Variants in PCDH15 observed in about 807,000 individuals in gnomAD.
The protein encoded by PCDH15 is protocadherin-15.
PCDH15 carries 129 observed loss-of-function variants against 178.5 expected under a neutral mutation model. The ratio of observed to expected loss-of-function variants is 0.72; its 90% CI spans 0.63 to 0.84. The LOEUF is 0.84. Ranked by LOEUF, PCDH15 falls within the 40% of genes least tolerant of loss-of-function variation. PCDH15 has a pLI of 0.00. For synonymous variants in PCDH15, 800 were observed against 732.0 expected (o/e 1.09, Z -1.50); for missense variants, 2,230 against 2,099.9 (o/e 1.06, Z -1.21).
chr10:53,919,047 GT>G (rs1392465784), intron 25 of PCDH15, among the ~76,000 whole-genome samples: 2 of 152,082 alleles, frequency 1.3e-5, no homozygotes, highest in African/African-American at 2.4e-5. Context: ...TGTTGCATCA[GT>G]CTGACACTGA....
chr10:55,334,495 C>T (rs1054838948), intron 2 of PCDH15, among the ~76,000 whole-genome samples: 1 of 149,816 alleles, frequency 6.7e-6, no homozygotes, highest in South Asian at 2.1e-4. Flanking sequence ...TTAGTAAAGA[C>T]ATGGCTTCTC....
intron 3 of PCDH15, among the ~76,000 whole-genome samples, chr10:54,860,776 A>C (rs546685072): frequency 6.6e-6 from 1 of 152,270 alleles, no homozygotes; most frequent in Non-Finnish European, 1.5e-5. Flanking sequence ...AACTCTACTG[A>C]AAATTTGAAG....
At chr10:55,503,843 G>A (rs183668915) in intron 2 of PCDH15, among the ~76,000 whole-genome samples, 16 of 151,378 alleles carry the variant, frequency 1.1e-4, no homozygotes, top group African/African-American at 3.9e-4. Context: ...AGATTCTCTG[G>A]CAACTGTTTA....
rs1947312547 is a variant in PCDH15, at chr10:54,757,527, C to T, written c.-29+43398G>A. Among the ~76,000 whole-genome samples the T allele has an allele frequency of 1.2e-4, 4 of 32,448 alleles. 1 individual carries two copies. The highest frequency in any genetic ancestry group is 9.0e-4 in the Admixed American group (4 of 4,460). 21.3% of individuals were successfully genotyped at this position (32,448 alleles called of 152,430 possible). A position where few individuals can be genotyped will look rare whatever the true frequency, so the allele number is the denominator to read the frequency against. On this transcript the variant is annotated intron_variant, in intron 1 of 37. Coordinates refer to ENST00000644397, the MANE Select transcript of PCDH15 (RefSeq NM_001384140.1). Reference sequence around the variant, plus strand: ...CGATCTCCTGACCTCGTGATCCGCCCGTCTCGGCCTCCCAAAGTGCTGGGA... The same window carrying T: ...CGATCTCCTGACCTCGTGATCCGCCTGTCTCGGCCTCCCAAAGTGCTGGGA...
chr10:54,882,349 T>C, intron 3 of PCDH15, among the ~76,000 whole-genome samples: 1 of 152,102 alleles, frequency 6.6e-6, no homozygotes, highest in African/African-American at 2.4e-5. Flanking sequence ...TTTTAAAGGA[T>C]TTTCCCCCAT....
At chr10:55,307,229 G>A (rs1285694901) in intron 1 of PCDH15, among the ~76,000 whole-genome samples, 5 of 151,862 alleles carry the variant, frequency 3.3e-5, no homozygotes, top group Admixed American at 2.0e-4. Context: ...TCGGACTGGC[G>A]TGGTAGCTCA....
intron 3 of PCDH15, among the ~76,000 whole-genome samples, chr10:54,831,210 CA>C (rs1953221529): frequency 6.6e-6 from 1 of 151,798 alleles, no homozygotes; most frequent in African/African-American, 2.4e-5. Flanking sequence ...CCTGATCTAA[CA>C]AAAAATTAGG....
intron 1 of PCDH15, among the ~76,000 whole-genome samples, chr10:55,300,605 T>G (rs1843248003): frequency 6.6e-6 from 1 of 152,158 alleles, no homozygotes; most frequent in African/African-American, 2.4e-5. Context: ...ATATTTTATC[T>G]AAATAATGAT....
intron 20 of PCDH15, among the ~76,000 whole-genome samples, chr10:54,001,699 G>A (rs1342384246): frequency 6.6e-6 from 1 of 151,872 alleles, no homozygotes; most frequent in Admixed American, 6.6e-5. Context: ...ATAACAAAAT[G>A]GAAGCAATAG....
intron 1 of PCDH15, among the ~76,000 whole-genome samples, chr10:54,712,680 A>G (rs1189384553): frequency 6.6e-6 from 1 of 151,938 alleles, no homozygotes; most frequent in Non-Finnish European, 1.5e-5. Context: ...AGCCACGGAA[A>G]ATAACATTCT....
intron 5 of PCDH15, among the ~76,000 whole-genome samples, chr10:54,355,122 A>C (rs1944777488): frequency 9.7e-5 from 4 of 41,120 alleles, no homozygotes; most frequent in Non-Finnish European, 2.9e-4. Context: ...GAGGATTGCA[A>C]AAAAAAAAAA....
intron 2 of PCDH15, among the ~76,000 whole-genome samples, chr10:55,363,001 CA>C (rs1313846236): frequency 6.6e-6 from 1 of 152,118 alleles, no homozygotes; most frequent in East Asian, 1.9e-4. Flanking sequence ...AGAAAGTTTA[CA>C]AATTTGGGTT....
At chr10:55,586,419 GT>G (rs1205885394) in intron 2 of PCDH15, among the ~76,000 whole-genome samples, 1 of 152,062 alleles carries the variant, frequency 6.6e-6, no homozygotes, top group Non-Finnish European at 1.5e-5. Flanking sequence ...GCCTAGGCCA[GT>G]CTTGTAACTG....
chr10:54,184,093 TTTATACTTTATCAATGTTGATAATGTATG>T (rs1241356116), intron 12 of PCDH15, among the ~76,000 whole-genome samples: 5 of 152,134 alleles, frequency 3.3e-5, no homozygotes, highest in Non-Finnish European at 5.9e-5. Context: ...ATTGTGATAT[TTTATACTTTATCAATGTTGATAATGTATG>T]TTATACTTTA....
At chr10:54,032,701 A>C (rs907060635) in intron 18 of PCDH15, among the ~76,000 whole-genome samples, 4 of 152,028 alleles carry the variant, frequency 2.6e-5, no homozygotes, top group African/African-American at 9.7e-5. Flanking sequence ...CTTTTGTTAC[A>C]TTTTATTGCT....
intron 2 of PCDH15, among the ~76,000 whole-genome samples, chr10:55,608,000 A>T (rs1370115641): frequency 6.6e-6 from 1 of 152,064 alleles, no homozygotes. Flanking sequence ...CATTTATAAA[A>T]ATATCCAAGC....
chr10:54,195,630 T>C, intron 11 of PCDH15, 53 bp downstream of exon 11: 5 of 1,443,846 alleles, frequency 3.5e-6, no homozygotes, highest in Non-Finnish European at 4.9e-6. Context: ...TTCCCATTAA[T>C]GGAAATATGA....
At chr10:55,303,912 T>C (rs1843353528) in intron 1 of PCDH15, among the ~76,000 whole-genome samples, 1 of 152,184 alleles carries the variant, frequency 6.6e-6, no homozygotes, top group Admixed American at 6.5e-5. Context: ...ATATATTATT[T>C]CCTTCATTCT....
At chr10:54,612,438 A>G (rs1297333843) in intron 2 of PCDH15, among the ~76,000 whole-genome samples, 1 of 151,800 alleles carries the variant, frequency 6.6e-6, no homozygotes, top group African/African-American at 2.4e-5. Context: ...AACTTAAATA[A>G]GTGTTTTTTC....
Sources: allele counts gnomAD v4.1 joint callset (sites outside exome capture counted in the v4.1 genomes callset), GRCh38; gene constraint gnomAD v4.1.1; transcripts MANE v1.5; gene names NCBI Gene and HGNC (gene_info 2026-07-23, HGNC 2026-07-21).